The following ZNF337 variants were observed in gnomAD, a reference collection of about 807,000 sequenced individuals.
ZNF337 encodes the protein zinc finger protein 337.
In ZNF337, 8 loss-of-function variants were observed where a neutral mutation model predicts 12.1. The ratio of observed to expected loss-of-function variants is 0.66; its 90% CI spans 0.39 to 1.19. The LOEUF is 1.19. Ranked by LOEUF, ZNF337 falls within the 50% of genes most tolerant of loss-of-function variation. ZNF337 has a pLI of 0.01. For missense variants in ZNF337, 882 were observed against 896.6 expected (o/e 0.98, Z 0.21); for synonymous variants, 336 against 320.0 (o/e 1.05, Z -0.53).
chr20:25,685,309 G>GA (rs1273559921), intron 4 of ZNF337, among the ~76,000 whole-genome samples: 4 of 152,224 alleles, frequency 2.6e-5, no homozygotes, highest in African/African-American at 9.6e-5. Flanking sequence ...CAGTCACGAG[G>GA]AAAGTCACAA....
In ZNF337 at chr20:25,685,990, G is replaced by A. The variant is rs756023241; in HGVS notation, c.154+6C>T. On this transcript the variant is annotated splice_donor_region_variant and intron_variant, in intron 3 of 4. Transcript: ENST00000252979. ...AAATGTTAGGCTCGAGGGAAGCCAC[G>A]CTTACCTAGTGAGACCAGGTGGCTG... is the stretch of plus-strand genomic sequence containing the variant. The A allele has an allele frequency of 1.5e-5, 24 of 1,606,394 alleles. No individual in the cohort carries two copies. The highest frequency in any genetic ancestry group is 4.5e-5 in the East Asian group (2 of 44,850).
At chr20:25,695,114 T>C (rs566034135) in intron 1 of ZNF337, among the ~76,000 whole-genome samples, 2 of 152,124 alleles carry the variant, frequency 1.3e-5, no homozygotes, top group African/African-American at 2.4e-5. Flanking sequence ...CTACTAAAAA[T>C]ACAAAAATTA....
At position 25,676,810 on chromosome 20, in the gene ZNF337, C is replaced by T; in HGVS notation, c.478G>A (p.Glu160Lys). 6.2e-7 allele frequency: 1 copy of T among 1,614,166 alleles called. No homozygotes were observed. Among genetic ancestry groups the T allele is most frequent in the Non-Finnish European group, 8.5e-7 (1 of 1,180,024 alleles). ...VEIESSQGQRENPTEIDKVLK... is the reference protein window; with the variant it reads ...VEIESSQGQRKNPTEIDKVLK... ...ACTTTGTCTATTTCTGTAGGATTTT[C>T]CCTCTGGCCTTGACTAGACTCTATT... The change falls in exon 5 of 5, where the codon GAA (glutamate) becomes AAA (lysine). Residue 160 changes from glutamate (E) to lysine (K), a missense_variant. Coordinates refer to ENST00000252979, the MANE Select transcript of ZNF337 (RefSeq NM_015655.4).
intron 1 of ZNF337, among the ~76,000 whole-genome samples, chr20:25,690,074 C>T (rs1343330522): frequency 1.3e-5 from 2 of 152,074 alleles, no homozygotes; most frequent in Non-Finnish European, 2.9e-5. Context: ...TCGCTTGATC[C>T]CAGGAGTTCG....
At chr20:25,692,867 C>G (rs1322137561) in intron 1 of ZNF337, among the ~76,000 whole-genome samples, 1 of 152,188 alleles carries the variant, frequency 6.6e-6, no homozygotes, top group African/African-American at 2.4e-5. Context: ...ACAGCTCCTA[C>G]ATTTTTGGGA....
chr20:25,679,523 C>CA (rs1166979991), intron 4 of ZNF337, among the ~76,000 whole-genome samples: 1 of 152,042 alleles, frequency 6.6e-6, no homozygotes, highest in Non-Finnish European at 1.5e-5. Context: ...AGACATTTCT[C>CA]AAAATAAGAC....
chr20:25,690,715 T>C (rs2065876271), intron 1 of ZNF337, among the ~76,000 whole-genome samples: 1 of 152,126 alleles, frequency 6.6e-6, no homozygotes, highest in Non-Finnish European at 1.5e-5. Context: ...CAAATAAATA[T>C]TTAAAAGCAG....
rs532693947 is a variant in ZNF337, at chr20:25,685,471, C to T, written c.250+96G>A. 5.8e-6 allele frequency: 6 copies of T among 1,032,866 alleles called. No individual in the cohort carries two copies. In the South Asian group the frequency reaches 8.6e-5, roughly 15 times the overall value. The allele number at this position is 1,032,866 out of a possible 1,614,324, so 64.0% of individuals were successfully genotyped here. A position where few individuals can be genotyped will look rare whatever the true frequency, so the allele number is the denominator to read the frequency against. ...GTGGTCTGAAGAGCAGCCAAGGAGG[C>T]CAGAACAGCTTCCAGGTCCCCTGGC... On this transcript the variant is annotated intron_variant, in intron 4 of 4. Transcript: ENST00000252979.
chr20:25,677,930 A>G (rs774327344), intron 4 of ZNF337: 1 of 152,174 alleles, frequency 6.6e-6, no homozygotes, highest in Non-Finnish European at 1.5e-5. Context: ...CCCACAGCAA[A>G]CATCTTAGTG....
chr20:25,685,000 T>C (rs985753984), intron 4 of ZNF337, among the ~76,000 whole-genome samples: 3 of 151,514 alleles, frequency 2.0e-5, no homozygotes, highest in African/African-American at 4.9e-5. Flanking sequence ...GGGGAGAGGA[T>C]AGCATTAGGA....
chr20:25,675,544 T>G lies in ZNF337; in HGVS notation c.1744A>C (p.Ile582Leu). 6.2e-7 allele frequency: 1 copy of G among 1,614,026 alleles called. No homozygotes were observed. The highest frequency in any genetic ancestry group is 8.5e-7 in the Non-Finnish European group (1 of 1,179,988). ...TGGAAGAGGAGAGTTGATTTTAGGA[T>G]GAAGCCTCGCCCGCAATCCTTGCAA... ...FNCKDCGRGF[I>L]LKSTLLFHQK... The change falls in exon 5 of 5, where the codon ATC (isoleucine) becomes CTC (leucine). Residue 582 changes from isoleucine (I) to leucine (L), a missense_variant. By Grantham distance (5) the Ile-to-Leu change is conservative. Transcript: ENST00000252979.
rs778655920 is a variant in ZNF337, at chr20:25,686,123, C to G, written c.28-1G>C. 6 of 1,613,878 alleles carry G rather than the reference C, an allele frequency of 3.7e-6. No homozygotes were observed. The Admixed American group carries it at 1.0e-4, about 27-fold the overall frequency. ...TGACATCCCCAAATGCCAAGAAAGCCTGTAACACAAAACCCAGGCATGCTC... is the reference window on the plus strand; with the variant it reads ...TGACATCCCCAAATGCCAAGAAAGCGTGTAACACAAAACCCAGGCATGCTC... On this transcript the variant is annotated splice_acceptor_variant, in intron 2 of 4. Coordinates refer to ENST00000252979, the MANE Select transcript of ZNF337 (RefSeq NM_015655.4). LOFTEE classifies it high-confidence loss of function.
chr20:25,684,318 C>T (rs1024127297), intron 4 of ZNF337, among the ~76,000 whole-genome samples: 1 of 151,448 alleles, frequency 6.6e-6, no homozygotes, highest in Non-Finnish European at 1.5e-5. Context: ...CTAACCTGCA[C>T]ATTGTGCACA....
At chr20:25,682,640 CTGGCCAACA>C (rs2065780459) in intron 4 of ZNF337, among the ~76,000 whole-genome samples, 2 of 152,066 alleles carry the variant, frequency 1.3e-5, no homozygotes, top group Admixed American at 6.5e-5. Flanking sequence ...CAAAACCAGC[CTGGCCAACA>C]TGGTGAAACC....
rs1796718795 is a variant in ZNF337 at position 25,675,162 on chromosome 20, C to T, written c.2126G>A (p.Gly709Glu). Residue 709 changes from glycine to glutamate, a missense_variant, in exon 5 of 5, where the codon GGA becomes GAA. Physicochemically the swap from Gly to Glu is moderately conservative, Grantham distance 98. Coordinates refer to ENST00000252979, the MANE Select transcript of ZNF337 (RefSeq NM_015655.4). ...CTCTTGGCATTCATAAGGCCTCTCT[C>T]CTGTGTGTATTCTTTCATGCACAGT... Reference protein sequence around the residue: ...DLTVHERIHTGERPYECQECG... With the variant: ...DLTVHERIHTEERPYECQECG... 6 of 1,614,106 alleles carry T rather than the reference C, an allele frequency of 3.7e-6. No individual in the cohort carries two copies. The highest frequency in any genetic ancestry group is 5.1e-6 in the Non-Finnish European group (6 of 1,180,048).
chr20:25,682,791 C>T (rs145541139), intron 4 of ZNF337, among the ~76,000 whole-genome samples: 2,505 of 151,630 alleles, frequency 0.017, 72 homozygotes, highest in African/African-American at 0.058. Context: ...GCCAAGATCG[C>T]GCCATTGCAC....
chr20:25,696,649 G>T (rs1433985148), intron 1 of ZNF337, 110 bp downstream of exon 1: 2 of 777,276 alleles, frequency 2.6e-6, no homozygotes, highest in Non-Finnish European at 3.1e-6. Context: ...GGGCCTGGAG[G>T]AGCGCGCGCT....
chr20:25,675,208 A>G lies in ZNF337; in HGVS notation c.2080T>C (p.Tyr694His), dbSNP rs2065664272. 6.2e-7 allele frequency: 1 copy of G among 1,614,248 alleles called. No homozygotes were observed. Among genetic ancestry groups the G allele is most frequent in the East Asian group, 2.2e-5 (1 of 44,884 alleles). ...ACAGTGAGGTCTGACTTACTGGTAT[A>G]GCCTCGCTTACACTCCTGGCAAACA... is the stretch of plus-strand genomic sequence containing the variant. Reference protein sequence around the residue: ...PFVCQECKRGYTSKSDLTVHE... With the variant: ...PFVCQECKRGHTSKSDLTVHE... Residue 694 changes from tyrosine (Y) to histidine (H), a missense_variant, in exon 5 of 5, where the codon TAT becomes CAT. Coordinates refer to ENST00000252979, the MANE Select transcript of ZNF337 (RefSeq NM_015655.4).
intron 1 of ZNF337, among the ~76,000 whole-genome samples, chr20:25,689,646 G>T (rs1277075103): frequency 6.6e-6 from 1 of 152,176 alleles, no homozygotes; most frequent in African/African-American, 2.4e-5. Flanking sequence ...TCCTCTCAGA[G>T]ATCAAGTATA....
Sources: gnomAD v4.1 joint callset for allele counts (sites outside exome capture counted in the v4.1 genomes callset) on GRCh38, gnomAD v4.1.1 for gene constraint, MANE v1.5 for transcripts, NCBI Gene and HGNC (gene_info 2026-07-23, HGNC 2026-07-21) for gene names.